The following KANSL1 variants were observed in gnomAD, a reference collection of about 807,000 sequenced individuals.
The protein encoded by KANSL1 is KAT8 regulatory NSL complex subunit 1, also known as MLL1/MLL complex subunit KANSL1.
A neutral mutation model predicts 103.6 loss-of-function variants in KANSL1; 22 were observed. The observed-to-expected ratio is 0.21, with a 90% CI of 0.15 to 0.30. The LOEUF (loss-of-function observed/expected upper bound fraction) is 0.30. Among genes scored for constraint, KANSL1 ranks in the 10% least tolerant of loss-of-function variants. The probability of loss-of-function intolerance (pLI) is 1.00; values close to 1 mark genes in which losing one functional copy is unlikely to be tolerated. For synonymous variants in KANSL1, 600 were observed against 527.6 expected, an observed-to-expected ratio of 1.14 and a Z score of -1.88; for missense variants, 1,337 against 1,399.8, an observed-to-expected ratio of 0.96 and a Z score of 0.72.
At chr17:46,086,165 T>C (rs1000878047) in intron 3 of KANSL1, among the ~76,000 whole-genome samples, 2 of 149,200 alleles carry the variant, frequency 1.3e-5, no homozygotes, top group Admixed American at 6.7e-5. Flanking sequence ...TCTTTTTCAG[T>C]TATATGAAAG....
chr17:46,092,753 T>C (rs1280985339), intron 3 of KANSL1: 3 of 142,996 alleles, frequency 2.1e-5, no homozygotes, highest in Non-Finnish European at 4.7e-5. Flanking sequence ...TTTATACTTC[T>C]ATGTCATTTC....
At position 46,050,546 on chromosome 17, in the gene KANSL1, T is replaced by C; in HGVS notation, c.2007A>G (p.Leu669=). 6.2e-7 allele frequency: 1 copy of C among 1,614,170 alleles called. No individual in the cohort carries two copies. Among genetic ancestry groups the C allele is most frequent in the Non-Finnish European group, 8.5e-7 (1 of 1,180,016 alleles). ...GGTCTTTCTTACCATCTGGAAATGC[T>C]AGAACAGGATGAACACAAGAGTCCA... ...SQLDSCVHPV[L]AFPDDVPTSL... is the part of the protein sequence containing the mutation. Residue 669 remains leucine, a synonymous_variant, in exon 7 of 15, where the codon CTA becomes CTG. Transcript: ENST00000432791.
Position 46,170,859 on chromosome 17 carries a change from G to T in KANSL1, c.1285C>A (p.Pro429Thr), listed in dbSNP as rs142062936. ...TCATGCATGAGGTCTACTCACAGGG[G>T]TACATGACGCTGCTCGGGATCAGCT... ...TRADPEQRHVPLRRRSEWKWA... is the reference protein window; with the variant it reads ...TRADPEQRHVTLRRRSEWKWA... Residue 429 changes from proline (P) to threonine (T), a missense_variant, in exon 2 of 15, where the codon CCC becomes ACC. This residue lies in a region of KANSL1 where 780 missense variants were observed against 923.4 expected (regional missense o/e 0.84). Transcript: ENST00000432791. 129 of 1,602,262 alleles carry T rather than the reference G, an allele frequency of 8.1e-5. 1 individual carries two copies. In the African/African-American group the frequency reaches 1.6e-3, roughly 20 times the overall value.
At chr17:46,175,189 C>T (rs904816248) in intron 1 of KANSL1, among the ~76,000 whole-genome samples, 4 of 152,132 alleles carry the variant, frequency 2.6e-5, no homozygotes, top group Non-Finnish European at 5.9e-5. Flanking sequence ...TACAGGACCA[C>T]AGTAAGCTTC....
chr17:46,119,007 ATT>A (rs1349215211), intron 2 of KANSL1, among the ~76,000 whole-genome samples: 1 of 152,250 alleles, frequency 6.6e-6, no homozygotes, highest in Non-Finnish European at 1.5e-5. Flanking sequence ...TAGCTCCAAT[ATT>A]TTATGACTAA....
chr17:46,046,299 C>A (rs2077501405), intron 7 of KANSL1, among the ~76,000 whole-genome samples: 1 of 151,680 alleles, frequency 6.6e-6, no homozygotes, highest in Admixed American at 6.6e-5. Flanking sequence ...TTTAGGAAGC[C>A]AAGATGGGTA....
upstream of KANSL1, among the ~76,000 whole-genome samples, chr17:46,198,181 C>G (rs924157624): frequency 2.0e-5 from 3 of 152,296 alleles, no homozygotes; most frequent in South Asian, 6.2e-4. Flanking sequence ...TAGCCCGATT[C>G]TAATCCTGCC....
chr17:46,125,039 G>GGAGGGAGGGA (rs2043463969), intron 2 of KANSL1, among the ~76,000 whole-genome samples: 1 of 89,410 alleles, frequency 1.1e-5, no homozygotes, highest in South Asian at 3.5e-4. Context: ...GAGGTAGGGA[G>GGAGGGAGGGA]GGAGGGAGGA....
intron 6 of KANSL1, among the ~76,000 whole-genome samples, chr17:46,053,484 T>C (rs1002613517): frequency 6.6e-5 from 10 of 151,576 alleles, no homozygotes; most frequent in Non-Finnish European, 1.5e-4. Context: ...AGTCTTGCTC[T>C]GTCACCCAGG....
At position 46,038,656 on chromosome 17, in the gene KANSL1, G is replaced by A. The variant is rs372105810; in HGVS notation, c.2423C>T (p.Ser808Leu). The A allele has an allele frequency of 3.7e-6, 6 of 1,614,148 alleles. No individual in the cohort carries two copies. Among genetic ancestry groups the A allele is most frequent in the Non-Finnish European group, 5.1e-6 (6 of 1,180,040 alleles). Residue 808 changes from serine to leucine, a missense_variant, in exon 10 of 15, where the codon TCG (serine) becomes TTG (leucine). Physicochemically the swap from Ser to Leu is moderately radical, Grantham distance 145. Around this residue, in one of 2 missense-constraint regions of KANSL1, gnomAD observed 780 missense variants for 923.4 expected, o/e 0.84. Coordinates refer to ENST00000432791, the MANE Select transcript of KANSL1 (RefSeq NM_015443.4). The part of the protein sequence containing the change: ...VLKHHTDMSS[S>L]SYLAATHHPP... The stretch of plus-strand genomic sequence containing the variant: ...ATGGTGGGTGGCTGCCAAGTAGCTC[G>A]AACTGCTCATGTCTGTGTGATGCTT...
At chr17:46,072,860 T>C (rs1483262169) in intron 4 of KANSL1, among the ~76,000 whole-genome samples, 5 of 152,232 alleles carry the variant, frequency 3.3e-5, no homozygotes, top group Admixed American at 2.6e-4. Context: ...AATCCAATGG[T>C]TCCTAAGCCT....
At chr17:46,201,101 G>A (rs1005878603) in intron 1 of KANSL1, among the ~76,000 whole-genome samples, 4 of 152,066 alleles carry the variant, frequency 2.6e-5, no homozygotes, top group African/African-American at 9.7e-5. Flanking sequence ...TAGTAGAGAC[G>A]GAGTTTCGCC....
chr17:46,056,622 A>G (rs973903366), intron 6 of KANSL1, among the ~76,000 whole-genome samples: 1 of 152,220 alleles, frequency 6.6e-6, no homozygotes, highest in Non-Finnish European at 1.5e-5. Context: ...TAGAACATTT[A>G]CCATCAAAGA....
At chr17:46,182,007 A>G (rs2046817931) in intron 1 of KANSL1, among the ~76,000 whole-genome samples, 1 of 152,198 alleles carries the variant, frequency 6.6e-6, no homozygotes, top group African/African-American at 2.4e-5. Context: ...ACTTAAAGTC[A>G]CTGTCATTCA....
intron 2 of KANSL1, among the ~76,000 whole-genome samples, chr17:46,154,834 T>C (rs901406447): frequency 3.9e-5 from 6 of 152,246 alleles, no homozygotes; most frequent in Admixed American, 6.5e-5. Flanking sequence ...CCAGGTTTAA[T>C]CTTTCCCTTT....
chr17:46,077,162 C>G (rs1361913810), intron 4 of KANSL1, among the ~76,000 whole-genome samples: 2 of 152,178 alleles, frequency 1.3e-5, no homozygotes, highest in Non-Finnish European at 2.9e-5. Context: ...AGCAATTCTC[C>G]CACCTCAGCT....
At chr17:46,060,213 C>A (rs1374436616) in intron 6 of KANSL1, among the ~76,000 whole-genome samples, 1 of 152,174 alleles carries the variant, frequency 6.6e-6, no homozygotes, top group Non-Finnish European at 1.5e-5. Flanking sequence ...TAAAAGAATT[C>A]TTTTGGCTCA....
At chr17:46,068,602 AT>A (rs2078466390) in intron 4 of KANSL1, among the ~76,000 whole-genome samples, 1 of 151,958 alleles carries the variant, frequency 6.6e-6, no homozygotes, top group South Asian at 2.1e-4. Flanking sequence ...ACACACACAC[AT>A]TTTTCCCTGA....
At chr17:46,192,305 T>C (rs1485141927) in intron 1 of KANSL1, 1 of 148,382 alleles carries the variant, frequency 6.7e-6, no homozygotes, top group Non-Finnish European at 1.5e-5. Flanking sequence ...TCTTCCTCTT[T>C]AGTTTAAAAA....
Sources: allele counts gnomAD v4.1 joint callset (sites outside exome capture counted in the v4.1 genomes callset), GRCh38; gene constraint gnomAD v4.1.1; regional missense constraint gnomAD v4.1.1; transcripts MANE v1.5; gene names NCBI Gene and HGNC (gene_info 2026-07-23, HGNC 2026-07-21).